Variants in CDH7 observed in about 807,000 individuals in gnomAD.
CDH7 encodes the protein cadherin-7.
Under a neutral mutation model 71.8 loss-of-function variants are expected in CDH7, and 25 were observed. The ratio of observed to expected loss-of-function variants is 0.35; its 90% CI spans 0.25 to 0.49. The LOEUF (loss-of-function observed/expected upper bound fraction) is 0.49. Among genes scored for constraint, CDH7 ranks in the 20% least tolerant of loss-of-function variants. The pLI, the probability that CDH7 is intolerant of heterozygous loss-of-function variation, is 0.99. For synonymous variants in CDH7, 381 were observed against 363.8 expected (o/e 1.05, Z -0.54); for missense variants, 862 against 974.6 (o/e 0.88, Z 1.54).
chr18:65,826,294 A>G (rs578112013), intron 6 of CDH7, among the ~76,000 whole-genome samples: 1 of 151,460 alleles, frequency 6.6e-6, no homozygotes, highest in South Asian at 2.1e-4. Context: ...ATAGGTATCA[A>G]TATCTGTCAG....
intron 11 of CDH7, among the ~76,000 whole-genome samples, chr18:65,876,396 T>G (rs1040932077): frequency 6.6e-6 from 1 of 152,192 alleles, no homozygotes; most frequent in Admixed American, 6.5e-5. Flanking sequence ...TATTTATTTT[T>G]TTGAAACAAT....
rs746068213 is a variant in CDH7, at chr18:65,862,810, A to T, written c.1757A>T (p.Asp586Val). Residue 586 changes from aspartate (D) to valine (V), a missense_variant, in exon 11 of 12, where the codon GAT (aspartate) becomes GTT (valine). Transcript: ENST00000397968. ...NTLTIRVCDCDADGVAQTCNA... is the reference protein window; with the variant it reads ...NTLTIRVCDCVADGVAQTCNA... ...CTCACCATCCGCGTGTGTGACTGTG[A>T]TGCTGACGGCGTAGCCCAGACCTGC... 4.4e-5 allele frequency: 71 copies of T among 1,614,050 alleles called. No individual in the cohort carries two copies. Among genetic ancestry groups the T allele is most frequent in the Non-Finnish European group, 5.8e-5 (69 of 1,180,028 alleles).
chr18:65,818,983 G>A (rs941244934), intron 4 of CDH7, among the ~76,000 whole-genome samples: 6 of 152,112 alleles, frequency 3.9e-5, no homozygotes, highest in East Asian at 1.9e-4. Flanking sequence ...CTGATTTTCC[G>A]GTCACAACCT....
intron 6 of CDH7, among the ~76,000 whole-genome samples, chr18:65,826,551 TACAA>T (rs971748229): frequency 2.5e-5 from 2 of 80,702 alleles, no homozygotes; most frequent in Admixed American, 3.2e-4. Context: ...TCCAAACTTT[TACAA>T]AGTCTTTCAC....
intron 4 of CDH7, 34 bp downstream of exon 4, chr18:65,814,638 A>C (rs369508548): frequency 1.3e-6 from 2 of 1,581,122 alleles, no homozygotes; most frequent in Non-Finnish European, 1.7e-6. Context: ...TTGTAAAGTC[A>C]TCATTTGTTT....
At chr18:65,829,800 G>GTGTA (rs1912273409) in intron 6 of CDH7, among the ~76,000 whole-genome samples, 1 of 151,466 alleles carries the variant, frequency 6.6e-6, no homozygotes, top group Non-Finnish European at 1.5e-5. Flanking sequence ...GTGTGTGTGT[G>GTGTA]TGTGTGTGTG....
intron 7 of CDH7, among the ~76,000 whole-genome samples, chr18:65,846,714 C>A (rs1912947235): frequency 6.6e-6 from 1 of 152,134 alleles, no homozygotes; most frequent in Non-Finnish European, 1.5e-5. Context: ...CCCTTCCCAG[C>A]ACTGCTGTTT....
intron 7 of CDH7, among the ~76,000 whole-genome samples, chr18:65,851,297 A>G (rs1414032023): frequency 6.6e-6 from 1 of 152,094 alleles, no homozygotes; most frequent in African/African-American, 2.4e-5. Context: ...ACATATCGAC[A>G]AACTTTATAG....
chr18:65,765,067 T>C (rs1227253747), intron 2 of CDH7, among the ~76,000 whole-genome samples: 1 of 152,110 alleles, frequency 6.6e-6, no homozygotes, highest in Non-Finnish European at 1.5e-5. Context: ...AGGTCACTTA[T>C]ATTTACATGA....
chr18:65,796,448 C>T (rs1372839192), intron 2 of CDH7, among the ~76,000 whole-genome samples: 1 of 152,204 alleles, frequency 6.6e-6, no homozygotes, highest in South Asian at 2.1e-4. Flanking sequence ...ACACCCAGAA[C>T]TCAGTCTCCC....
At chr18:65,847,663 G>A (rs186273365) in intron 7 of CDH7, among the ~76,000 whole-genome samples, 7 of 152,160 alleles carry the variant, frequency 4.6e-5, no homozygotes, top group Admixed American at 2.0e-4. Context: ...AAAGACTGGG[G>A]CACCTATATG....
chr18:65,806,136 A>G (rs1911310624), intron 2 of CDH7, among the ~76,000 whole-genome samples: 1 of 152,142 alleles, frequency 6.6e-6, no homozygotes, highest in African/African-American at 2.4e-5. Flanking sequence ...GTAGTTTATG[A>G]GAGTCTGATT....
intron 7 of CDH7, among the ~76,000 whole-genome samples, chr18:65,847,007 C>G (rs1043374999): frequency 7.1e-5 from 9 of 127,586 alleles, no homozygotes; most frequent in African/African-American, 2.4e-4. Flanking sequence ...TATTGACAAT[C>G]TATATTGCAG....
At chr18:65,824,614 C>A (rs771450864) in intron 5 of CDH7, 30 bp from the exon 6 acceptor site, 2 of 1,453,242 alleles carry the variant, frequency 1.4e-6, no homozygotes, top group African/African-American at 1.4e-5. Flanking sequence ...TTTGGTGTAA[C>A]GTGTTCATTT....
chr18:65,762,683 G>A lies in CDH7; in HGVS notation c.-160G>A. On this transcript the variant is annotated 5_prime_UTR_variant, in exon 2 of 12. Transcript: ENST00000397968. The stretch of plus-strand genomic sequence containing the variant: ...ACCATTCTTTGGCGAAGGCTATTCA[G>A]CAGTGGTGACCTCTTCCAATCCAAC... 1.7e-6 allele frequency: 1 copy of A among 603,646 alleles called. No homozygotes were observed. The highest frequency in any genetic ancestry group is 2.9e-6 in the Non-Finnish European group (1 of 343,492). The allele number at this position is 603,646 out of a possible 1,614,324, so 37.4% of individuals were successfully genotyped here.
chr18:65,843,598 T>A (rs1912814695), intron 6 of CDH7, among the ~76,000 whole-genome samples: 1 of 151,940 alleles, frequency 6.6e-6, no homozygotes, highest in South Asian at 2.1e-4. Flanking sequence ...AGCAGCAGAG[T>A]GGATGAAGTT....
At chr18:65,773,160 A>G (rs1384318081) in intron 2 of CDH7, among the ~76,000 whole-genome samples, 1 of 152,186 alleles carries the variant, frequency 6.6e-6, no homozygotes. Context: ...GAGGTTCAAC[A>G]GTCATACAAC....
At chr18:65,830,625 GCTTCCC>G (rs1332903014) in intron 6 of CDH7, among the ~76,000 whole-genome samples, 1 of 17,186 alleles carries the variant, frequency 5.8e-5, no homozygotes, top group Non-Finnish European at 1.4e-3. Context: ...CCTTCCCTTC[GCTTCCC>G]CTTCCCTTCC....
chr18:65,815,425 A>G (rs970026376), intron 4 of CDH7, among the ~76,000 whole-genome samples: 2 of 152,158 alleles, frequency 1.3e-5, no homozygotes, highest in Non-Finnish European at 2.9e-5. Flanking sequence ...AAATATATAC[A>G]TTTATGATTA....
Sources: allele counts gnomAD v4.1 joint callset (sites outside exome capture counted in the v4.1 genomes callset), GRCh38; gene constraint gnomAD v4.1.1; transcripts MANE v1.5; gene names NCBI Gene and HGNC (gene_info 2026-07-23, HGNC 2026-07-21).